The following FGD4 variants were observed in gnomAD, a reference collection of about 807,000 sequenced individuals.
FGD4 encodes FYVE, RhoGEF and PH domain-containing protein 4.
In FGD4, 42 loss-of-function variants were observed where a neutral mutation model predicts 102.0. The ratio of observed to expected loss-of-function variants is 0.41; its 90% confidence interval spans 0.32 to 0.53. The LOEUF (loss-of-function observed/expected upper bound fraction) is 0.53. FGD4 is among the 20% of genes least tolerant of loss of function. The probability of loss-of-function intolerance (pLI) is 0.21; values close to 1 mark genes in which losing one functional copy is unlikely to be tolerated. For missense variants in FGD4, 902 were observed against 1,078.2 expected, an observed-to-expected ratio of 0.84 and a Z score of 2.29; for synonymous variants, 380 against 375.7, an observed-to-expected ratio of 1.01 and a Z score of -0.13.
chr12:32,563,048 A>AC (rs1168498182), intron 1 of FGD4, among the ~76,000 whole-genome samples: 1 of 125,540 alleles, frequency 8.0e-6, no homozygotes, highest in Non-Finnish European at 1.7e-5. Context: ...GGGGGCTGAC[A>AC]CCCCCACCTC....
intron 1 of FGD4, among the ~76,000 whole-genome samples, chr12:32,461,669 C>T (rs958069487): frequency 2.0e-5 from 3 of 152,144 alleles, no homozygotes; most frequent in African/African-American, 7.2e-5. Flanking sequence ...GCTCTGTTCC[C>T]ACAGTTTATG....
intron 1 of FGD4, among the ~76,000 whole-genome samples, chr12:32,535,709 C>T (rs554911204): frequency 1.8e-4 from 28 of 152,126 alleles, no homozygotes; most frequent in African/African-American, 6.5e-4. Context: ...TTTAGGTTCT[C>T]TTTTTCCTGA....
intron 1 of FGD4, among the ~76,000 whole-genome samples, chr12:32,478,609 G>C (rs1485367395): frequency 1.3e-5 from 2 of 152,176 alleles, no homozygotes; most frequent in African/African-American, 4.8e-5. Flanking sequence ...TCTTCAATAT[G>C]ATTGTGAAAA....
chr12:32,606,573 AGTCT>A (rs1020940642), intron 7 of FGD4, among the ~76,000 whole-genome samples: 3 of 149,342 alleles, frequency 2.0e-5, no homozygotes, highest in South Asian at 2.1e-4. Flanking sequence ...CTCGCTCCCT[AGTCT>A]GTCTTTTTCT....
At chr12:32,575,377 C>T (rs980112239) in intron 2 of FGD4, among the ~76,000 whole-genome samples, 2 of 152,092 alleles carry the variant, frequency 1.3e-5, no homozygotes, top group East Asian at 1.9e-4. Flanking sequence ...AAAGATCACA[C>T]GGAGACAGAG....
intron 7 of FGD4, among the ~76,000 whole-genome samples, chr12:32,603,324 G>A (rs1948545438): frequency 6.6e-6 from 1 of 152,130 alleles, no homozygotes; most frequent in Non-Finnish European, 1.5e-5. Context: ...AATGAATGAA[G>A]AATGAAGTCC....
chr12:32,411,024 A>G (rs1591846778), intron 1 of FGD4, among the ~76,000 whole-genome samples: 2 of 141,430 alleles, frequency 1.4e-5, no homozygotes, highest in African/African-American at 5.5e-5. Flanking sequence ...TCCGCCTCCC[A>G]GGTTCCAGCG....
At chr12:32,625,240 T>C (rs138275417) in intron 13 of FGD4, among the ~76,000 whole-genome samples, 172 bp downstream of exon 13, 209 of 151,964 alleles carry the variant, frequency 1.4e-3, no homozygotes, top group African/African-American at 4.9e-3. Context: ...CTTTTCATTC[T>C]ACTTGAACTT....
chr12:32,446,542 T>C (rs1251661527), intron 1 of FGD4, among the ~76,000 whole-genome samples: 1 of 152,142 alleles, frequency 6.6e-6, no homozygotes, highest in Non-Finnish European at 1.5e-5. Flanking sequence ...CCTCCGGGTA[T>C]AGGAACAGTT....
chr12:32,444,846 G>A (rs1325302158), intron 1 of FGD4, among the ~76,000 whole-genome samples: 3 of 152,176 alleles, frequency 2.0e-5, no homozygotes, highest in East Asian at 1.9e-4. Context: ...AAGTAGACAC[G>A]CCGTTCCAAA....
chr12:32,626,006 GA>G (rs1950145211), intron 14 of FGD4, among the ~76,000 whole-genome samples: 1 of 152,132 alleles, frequency 6.6e-6, no homozygotes, highest in Admixed American at 6.6e-5. Context: ...AGACAAATAA[GA>G]ATTTCAAATT....
intron 14 of FGD4, among the ~76,000 whole-genome samples, chr12:32,631,718 C>G (rs1950514137): frequency 6.6e-6 from 1 of 151,932 alleles, no homozygotes; most frequent in Non-Finnish European, 1.5e-5. Context: ...GCTGGCCAGG[C>G]TGGTCTTGAA....
intron 11 of FGD4, among the ~76,000 whole-genome samples, chr12:32,622,681 C>T (rs1949916113): frequency 6.6e-6 from 1 of 152,212 alleles, no homozygotes; most frequent in Non-Finnish European, 1.5e-5. Flanking sequence ...CAACCTCCTC[C>T]TCCCAGGTTC....
At chr12:32,487,085 G>C (rs1311440964) in intron 1 of FGD4, among the ~76,000 whole-genome samples, 1 of 152,078 alleles carries the variant, frequency 6.6e-6, no homozygotes, top group Admixed American at 6.5e-5. Context: ...ACACTATTCT[G>C]TTACAGGTAC....
At chr12:32,440,493 C>T (rs919936141) in intron 1 of FGD4, among the ~76,000 whole-genome samples, 14 of 152,222 alleles carry the variant, frequency 9.2e-5, no homozygotes, top group Admixed American at 3.3e-4. Flanking sequence ...CTTACTTTCT[C>T]CCAAACATAC....
chr12:32,622,749 A>G (rs1949918784), intron 11 of FGD4, among the ~76,000 whole-genome samples: 1 of 152,150 alleles, frequency 6.6e-6, no homozygotes, highest in Admixed American at 6.5e-5. Flanking sequence ...ACATGCTGCC[A>G]CACCCAGCTA....
In FGD4 at chr12:32,415,414, C is replaced by CTT. The variant is rs34612851; in HGVS notation, c.166+15480_166+15481dup. 5.5e-4 allele frequency among the ~76,000 whole-genome samples: 49 copies of CTT among 89,628 alleles called. 1 individual carries two copies. The highest frequency in any genetic ancestry group is 4.5e-3 in the East Asian group (12 of 2,658). The allele number at this position is 89,628 out of a possible 152,430, so 58.8% of individuals were successfully genotyped here. A position where few individuals can be genotyped will look rare whatever the true frequency, so the allele number is the denominator to read the frequency against. On this transcript the variant is annotated intron_variant, in intron 1 of 16. Coordinates refer to ENST00000534526, the MANE Select transcript of FGD4 (RefSeq NM_001370298.3). ...TATTACTGTATTGGGATCTGTCTCT[C>CTT]TTTTTTTTTTTTTTTTTTTTTTTTT...
chr12:32,409,370 C>A (rs2253238), intron 1 of FGD4, among the ~76,000 whole-genome samples: 70,960 of 150,090 alleles, frequency 0.47, 18,151 homozygotes, highest in African/African-American at 0.67. Flanking sequence ...CTCCCTGCAA[C>A]CTCCGCCTCC....
intron 4 of FGD4, among the ~76,000 whole-genome samples, chr12:32,583,423 G>A (rs1041202259): frequency 2.0e-5 from 3 of 152,010 alleles, no homozygotes; most frequent in African/African-American, 7.3e-5. Flanking sequence ...TTTTTTCAAG[G>A]TCACGCTGTT....
Sources: gnomAD v4.1 joint callset for allele counts (sites outside exome capture counted in the v4.1 genomes callset) on GRCh38, gnomAD v4.1.1 for gene constraint, MANE v1.5 for transcripts, NCBI Gene and HGNC (gene_info 2026-07-23, HGNC 2026-07-21) for gene names.